FAT2: variants seen among roughly 807,000 people sequenced by gnomAD.
FAT2 encodes protocadherin Fat 2.
Under a neutral mutation model 295.3 loss-of-function variants are expected in FAT2, and 150 were observed. The ratio of observed to expected loss-of-function variants is 0.51; its 90% confidence interval spans 0.44 to 0.58. The LOEUF (loss-of-function observed/expected upper bound fraction) is 0.58. Among genes scored for constraint, FAT2 ranks in the 20% least tolerant of loss-of-function variants. The pLI, the probability that FAT2 is intolerant of heterozygous loss-of-function variation, is 0.00. For synonymous variants in FAT2, 2,026 were observed against 2,150.3 expected (o/e 0.94, Z 1.60); for missense variants, 4,868 against 5,442.7 (o/e 0.89, Z 3.32).
chr5:151,525,215 A>G (rs1753862926), intron 18 of FAT2, among the ~76,000 whole-genome samples: 1 of 152,222 alleles, frequency 6.6e-6, no homozygotes, highest in African/African-American at 2.4e-5. Context: ...AGATTTGGAG[A>G]AATAAAGTGA....
At position 151,544,090 on chromosome 5, in the gene FAT2, T is replaced by C. The variant is rs141978803; in HGVS notation, c.7037A>G (p.His2346Arg). 1 of 1,614,194 alleles carries C rather than the reference T, an allele frequency of 6.2e-7. No homozygotes were observed. Among genetic ancestry groups the C allele is most frequent in the African/African-American group, 1.3e-5 (1 of 75,064 alleles). The change falls in exon 10 of 24, where the codon CAT becomes CGT. Residue 2346 changes from histidine (H) to arginine (R), a missense_variant. Transcript: ENST00000261800. Reference protein sequence around the residue: ...ELDYEAQQHFHVKVRAMDKGD... With the variant: ...ELDYEAQQHFRVKVRAMDKGD... ...TTTATCCATGGCCCTGACTTTCACA[T>C]GAAAGTGTTGTTGGGCTTCATAATC...
chr5:151,513,808 T>C (rs1391237471), intron 20 of FAT2, among the ~76,000 whole-genome samples: 1 of 152,242 alleles, frequency 6.6e-6, no homozygotes, highest in Non-Finnish European at 1.5e-5. Flanking sequence ...GTGAGTTTAT[T>C]ATTTCTAAAT....
rs79686838 is a variant in FAT2, at chr5:151,536,969, A to G, written c.9193+824T>C. 9.5e-4 allele frequency among the ~76,000 whole-genome samples: 145 copies of G among 152,286 alleles called. 1 individual carries two copies. In the East Asian group the frequency reaches 0.025, roughly 27 times the overall value. ...CTATTTCCCCAAAGAAGGTCTTTGT[A>G]TAAATTCTCCTGCCTTGAGTGCCCT... On this transcript the variant is annotated intron_variant, in intron 12 of 23. Transcript: ENST00000261800.
intron 9 of FAT2, among the ~76,000 whole-genome samples, chr5:151,548,320 ATCAT>A (rs980962186): frequency 1.3e-5 from 2 of 151,614 alleles, no homozygotes; most frequent in Admixed American, 1.3e-4. Flanking sequence ...ACTATTAAAT[ATCAT>A]TAATTATGTA....
chr5:151,521,250 G>T (rs74767229), intron 19 of FAT2, 26 bp downstream of exon 19: 3 of 1,569,684 alleles, frequency 1.9e-6, no homozygotes, highest in Non-Finnish European at 2.6e-6. Flanking sequence ...AGTGCTGCTC[G>T]TCCCTAGGGA....
At chr5:151,539,378 A>G (rs976677964) in intron 11 of FAT2, among the ~76,000 whole-genome samples, 1 of 152,236 alleles carries the variant, frequency 6.6e-6, no homozygotes, top group African/African-American at 2.4e-5. Flanking sequence ...CGAAGTTTGT[A>G]TATATGCAAA....
intron 10 of FAT2, 125 bp from the exon 11 acceptor site, chr5:151,540,888 A>T: frequency 1.0e-5 from 8 of 793,796 alleles, no homozygotes; most frequent in South Asian, 9.5e-5. Flanking sequence ...TTCCTTCCTT[A>T]ACTAGGAACC....
In FAT2 at chr5:151,553,357, G is replaced by T; in HGVS notation, c.3976C>A (p.Leu1326Ile). 6.2e-7 allele frequency: 1 copy of T among 1,614,262 alleles called. No individual in the cohort carries two copies. Among genetic ancestry groups the T allele is most frequent in the Non-Finnish European group, 8.5e-7 (1 of 1,180,048 alleles). The change falls in exon 6 of 24, where the codon CTC becomes ATC. Residue 1326 changes from leucine to isoleucine, a missense_variant. Leu to Ile is a conservative substitution (Grantham distance 5). This residue lies in a region of FAT2 where 3,297 missense variants were observed against 3,669.4 expected (regional missense o/e 0.90). Coordinates refer to ENST00000261800, the MANE Select transcript of FAT2 (RefSeq NM_001447.3). ...ATGTGTAGCCGGACACTGGCTGAGA[G>T]TGGTGGCTGCCCACTGTCTGTTGCC... ...IKATDSGQPP[L>I]SASVRLHIEW...
chr5:151,551,620 G>T lies in FAT2; in HGVS notation c.4157-14C>A. On this transcript the variant is annotated splice_polypyrimidine_tract_variant and intron_variant, in intron 6 of 23. Transcript: ENST00000261800. ...CCTTATCCCCACCTAGAGTGGGAGT[G>T]GGGAGAAAGCACACACAACCTCAGT... The T allele has an allele frequency of 2.5e-6, 4 of 1,613,634 alleles. No homozygotes were observed. The highest frequency in any genetic ancestry group is 3.4e-6 in the Non-Finnish European group (4 of 1,179,786).
rs1481957280 is a variant in FAT2 at position 151,540,697 on chromosome 5, T to A, written c.8909A>T (p.Lys2970Met). 1.2e-6 allele frequency: 2 copies of A among 1,614,090 alleles called. No individual in the cohort carries two copies. The highest frequency in any genetic ancestry group is 1.3e-5 in the African/African-American group (1 of 74,934). The change falls in exon 11 of 24, where the codon AAG becomes ATG. Residue 2970 changes from lysine to methionine, a missense_variant. By Grantham distance (95) the Lys-to-Met change is moderately conservative. Coordinates refer to ENST00000261800, the MANE Select transcript of FAT2 (RefSeq NM_001447.3). ...VGDEWRISSR[K>M]TLDREHTAKY... ...GGCTGTATGCTCGCGGTCCAGGGTC[T>A]TCCTTGAGGAAATCCTCCACTCATC...
chr5:151,553,058 G>A, intron 6 of FAT2, 119 bp downstream of exon 6: 6 of 964,022 alleles, frequency 6.2e-6, no homozygotes, highest in Non-Finnish European at 9.6e-6. Flanking sequence ...CGGGCTGAAA[G>A]AGGGGCTGCC....
chr5:151,592,201 T>C (rs902254863), upstream of FAT2, among the ~76,000 whole-genome samples: 1 of 152,216 alleles, frequency 6.6e-6, no homozygotes, highest in African/African-American at 2.4e-5. Context: ...ACCAGTGTTT[T>C]AAGGGAAAGG....
intron 9 of FAT2, among the ~76,000 whole-genome samples, chr5:151,548,237 A>G (rs1343880419): frequency 1.3e-5 from 2 of 152,100 alleles, no homozygotes; most frequent in East Asian, 3.8e-4. Context: ...GTGAGGGCAG[A>G]CAGCAAATTA....
At chr5:151,582,930 G>A (rs1759016352) in intron 1 of FAT2, among the ~76,000 whole-genome samples, 1 of 152,132 alleles carries the variant, frequency 6.6e-6, no homozygotes, top group African/African-American at 2.4e-5. Flanking sequence ...GAGCAGACGG[G>A]AGAGGGAAAG....
chr5:151,545,317 CGA>C lies in FAT2; in HGVS notation c.5808_5809del (p.Arg1937GlufsTer8), dbSNP rs1330689053. The C allele has an allele frequency of 6.2e-7, 1 of 1,613,922 alleles. No homozygotes were observed. Among genetic ancestry groups the C allele is most frequent in the African/African-American group, 1.3e-5 (1 of 74,878 alleles). Reference sequence around the variant, plus strand: ...ATCAGAAGCCCTGATGGTGAGCTTCCGAGAGAGTCCCAGGAAAGCAGGATTCA... The same window carrying C: ...ATCAGAAGCCCTGATGGTGAGCTTCCGAGAGTCCCAGGAAAGCAGGATTCA... On this transcript the variant is annotated frameshift_variant, in exon 10 of 24. Coordinates refer to ENST00000261800, the MANE Select transcript of FAT2 (RefSeq NM_001447.3). LOFTEE classifies it high-confidence loss of function.
rs748416538 is a variant in FAT2, at chr5:151,544,102, TG to T, written c.7024del (p.Gln2342AsnfsTer6). The T allele has an allele frequency of 1.2e-6, 2 of 1,614,220 alleles. No individual in the cohort carries two copies. The highest frequency in any genetic ancestry group is 1.7e-6 in the Non-Finnish European group (2 of 1,180,030). On this transcript the variant is annotated frameshift_variant, in exon 10 of 24. Coordinates refer to ENST00000261800, the MANE Select transcript of FAT2 (RefSeq NM_001447.3). LOFTEE classifies it high-confidence loss of function. ...STVQELDYEA[Q>X]QHFHVKVRAM... ...CCTGACTTTCACATGAAAGTGTTGT[TG>T]GGCTTCATAATCCAGTTCTTGAACT... is the stretch of plus-strand genomic sequence containing the variant.
intron 18 of FAT2, among the ~76,000 whole-genome samples, chr5:151,523,138 A>C (rs1481702003): frequency 6.6e-6 from 1 of 152,162 alleles, no homozygotes; most frequent in African/African-American, 2.4e-5. Flanking sequence ...TTTAATGTAC[A>C]AGAAAGTTGA....
chr5:151,567,912 G>A lies in FAT2; in HGVS notation c.1020C>T (p.Gly340=). The part of the protein sequence containing the change: ...NLSLQARSGS[G]PYFYSQIRGF... ...CCCTGATCTGGGAATAAAAATAAGG[G>A]CCGCTCCCACTCCTGGCCTGGAGGC... Residue 340 remains glycine (G), a synonymous_variant, in exon 2 of 24, where the codon GGC becomes GGT. Transcript: ENST00000261800. The A allele has an allele frequency of 1.2e-6, 2 of 1,614,044 alleles. No individual in the cohort carries two copies. Among genetic ancestry groups the A allele is most frequent in the Non-Finnish European group, 1.7e-6 (2 of 1,179,986 alleles).
At position 151,512,358 on chromosome 5, in the gene FAT2, A is replaced by AT; in HGVS notation, c.11711dup (p.Asn3904LysfsTer7). ...GGCAGCCTTCAAAGCCCTGGGAGACATTCGAGGAAGAATGCAACAGAATGA... is the reference window on the plus strand; with the variant it reads ...GGCAGCCTTCAAAGCCCTGGGAGACATTTCGAGGAAGAATGCAACAGAATGA... On this transcript the variant is annotated frameshift_variant, in exon 21 of 24. Coordinates refer to ENST00000261800, the MANE Select transcript of FAT2 (RefSeq NM_001447.3). LOFTEE classifies it high-confidence loss of function. This position sits in a 1 kb window ranked among gnomAD's most constrained non-coding sequence, Gnocchi z 4.1. The AT allele has an allele frequency of 6.2e-7, 1 of 1,614,214 alleles. No homozygotes were observed. Among genetic ancestry groups the AT allele is most frequent in the East Asian group, 2.2e-5 (1 of 44,888 alleles).
Sources: allele counts gnomAD v4.1 joint callset (sites outside exome capture counted in the v4.1 genomes callset), GRCh38; gene constraint gnomAD v4.1.1; regional missense constraint gnomAD v4.1.1; non-coding constraint Gnocchi (gnomAD v3.1); transcripts MANE v1.5; gene names NCBI Gene and HGNC (gene_info 2026-07-23, HGNC 2026-07-21).